LIPC: variants seen among roughly 807,000 people sequenced by gnomAD.
LIPC encodes the protein hepatic triacylglycerol lipase.
Under a neutral mutation model 50.7 loss-of-function variants are expected in LIPC, and 44 were observed. That is an observed-to-expected ratio of 0.87 (90% confidence interval 0.68 to 1.11). LIPC has a LOEUF of 1.11. Ranked by LOEUF, LIPC falls within the 50% of genes most tolerant of loss-of-function variation. LIPC has a pLI of 0.00. For synonymous variants in LIPC, 271 were observed against 256.4 expected (o/e 1.06, Z -0.54); for missense variants, 697 against 648.2 (o/e 1.08, Z -0.82).
intron 1 of LIPC, among the ~76,000 whole-genome samples, chr15:58,487,295 T>G (rs1307328454): frequency 6.6e-6 from 1 of 152,150 alleles, no homozygotes; most frequent in Admixed American, 6.5e-5. Flanking sequence ...CATGGGCAAA[T>G]GAAGGATAAC....
At chr15:58,487,609 G>T (rs369731234) in intron 1 of LIPC, among the ~76,000 whole-genome samples, 1 of 152,110 alleles carries the variant, frequency 6.6e-6, no homozygotes, top group South Asian at 2.1e-4. Flanking sequence ...TCTTGCTCTG[G>T]CCCAAACAAG....
intron 1 of LIPC, among the ~76,000 whole-genome samples, chr15:58,495,833 G>A (rs571056840): frequency 6.6e-6 from 1 of 152,250 alleles, no homozygotes; most frequent in East Asian, 1.9e-4. Context: ...ACTGATTACA[G>A]GTTTCTGTAA....
At chr15:58,485,308 A>T (rs1408845507) in intron 1 of LIPC, among the ~76,000 whole-genome samples, 1 of 152,176 alleles carries the variant, frequency 6.6e-6, no homozygotes, top group African/African-American at 2.4e-5. Context: ...TCAACATGTT[A>T]TGCTGCATGT....
Position 58,525,063 on chromosome 15 carries a change from A to G in LIPC, c.89-13270A>G, listed in dbSNP as rs1306988373. Among the ~76,000 whole-genome samples, 4 of 152,168 alleles carry G rather than the reference A, an allele frequency of 2.6e-5. No homozygotes were observed. In the East Asian group the frequency reaches 7.7e-4, roughly 29 times the overall value. On this transcript the variant is annotated intron_variant, in intron 1 of 8. Coordinates refer to ENST00000299022, the MANE Select transcript of LIPC (RefSeq NM_000236.3). ...TTTTATGATTCCTGTTATTTCATTT[A>G]AAAATTGGATCCATTTGGAGTTTTT...
intron 6 of LIPC, among the ~76,000 whole-genome samples, chr15:58,556,584 TTC>T (rs1315410736): frequency 6.6e-6 from 1 of 152,232 alleles, no homozygotes; most frequent in African/African-American, 2.4e-5. Flanking sequence ...CTTCTATGCA[TTC>T]TGTTTTGCAG....
chr15:58,553,642 G>A (rs148818173), intron 6 of LIPC, among the ~76,000 whole-genome samples: 116 of 152,284 alleles, frequency 7.6e-4, no homozygotes, highest in African/African-American at 2.7e-3. Flanking sequence ...ATCCAGTCTC[G>A]TGACATCAGG....
At chr15:58,549,979 G>C (rs1248293477) in intron 6 of LIPC, among the ~76,000 whole-genome samples, 1 of 152,224 alleles carries the variant, frequency 6.6e-6, no homozygotes, top group Non-Finnish European at 1.5e-5. Context: ...AAGCCTCTTA[G>C]ATAATCACAT....
intron 1 of LIPC, among the ~76,000 whole-genome samples, chr15:58,497,217 AT>A (rs1891804412): frequency 6.6e-6 from 1 of 152,152 alleles, no homozygotes; most frequent in African/African-American, 2.4e-5. Flanking sequence ...AATGCAGTTC[AT>A]GCTTCACCCC....
chr15:58,515,340 T>C (rs1433234841), intron 1 of LIPC, among the ~76,000 whole-genome samples: 2 of 152,192 alleles, frequency 1.3e-5, no homozygotes, highest in African/African-American at 4.8e-5. Flanking sequence ...AGAACATAGC[T>C]ATTTGGAGCA....
intron 4 of LIPC, among the ~76,000 whole-genome samples, chr15:58,542,880 C>T (rs1452706923): frequency 8.5e-5 from 13 of 152,164 alleles, no homozygotes; most frequent in South Asian, 4.1e-4. Flanking sequence ...TGCCCTCAAA[C>T]GAATACCTCA....
At chr15:58,519,793 C>T (rs980384859) in intron 1 of LIPC, among the ~76,000 whole-genome samples, 1 of 152,190 alleles carries the variant, frequency 6.6e-6, no homozygotes, top group Non-Finnish European at 1.5e-5. Flanking sequence ...TCTTAGCATC[C>T]GTTTCTTTAC....
chr15:58,472,637 G>A (rs1890852695), intron 1 of LIPC, among the ~76,000 whole-genome samples: 2 of 151,542 alleles, frequency 1.3e-5, no homozygotes, highest in African/African-American at 4.8e-5. Flanking sequence ...GTGGGAGAGG[G>A]AAAATAGATA....
chr15:58,560,850 G>GTC lies in LIPC; in HGVS notation c.1052-4_1052-3dup, dbSNP rs776858148. ...AAATTATCTCTCTCTTTCTCTCTCT[G>GTC]TCTCTCTCTCTAGTTTATCATTACC... On this transcript the variant is annotated splice_polypyrimidine_tract_variant and intron_variant, in intron 6 of 8. Transcript: ENST00000299022. The GTC allele has an allele frequency of 2.6e-4, 240 of 923,838 alleles. No homozygotes were observed. Among genetic ancestry groups the GTC allele is most frequent in the Non-Finnish European group, 3.8e-4 (207 of 549,374 alleles). 57.2% of individuals were successfully genotyped at this position (923,838 alleles called of 1,614,324 possible).
At chr15:58,471,499 C>G (rs542818455) in intron 1 of LIPC, among the ~76,000 whole-genome samples, 1 of 152,232 alleles carries the variant, frequency 6.6e-6, no homozygotes, top group East Asian at 1.9e-4. Context: ...GGAATGGCTG[C>G]TTTATGCAGA....
intron 1 of LIPC, chr15:58,521,183 C>G (rs10775167): frequency 0.51 from 77,909 of 151,956 alleles, 21,326 homozygotes; most frequent in Admixed American, 0.65. Flanking sequence ...CTCCCCTTCC[C>G]CCTGGTATTG....
intron 1 of LIPC, among the ~76,000 whole-genome samples, chr15:58,469,100 TTTTGTGTG>T (rs1566918428): frequency 1.0e-5 from 1 of 95,410 alleles, no homozygotes; most frequent in Non-Finnish European, 2.1e-5. Context: ...TCAGGGAACA[TTTTGTGTG>T]TGTGTGTGTG....
chr15:58,555,338 T>A (rs1893900859), intron 6 of LIPC, among the ~76,000 whole-genome samples: 1 of 151,838 alleles, frequency 6.6e-6, no homozygotes, highest in Non-Finnish European at 1.5e-5. Flanking sequence ...TAGCCCAGGA[T>A]GGATGTCAAG....
At chr15:58,465,153 G>T (rs907999950) in intron 1 of LIPC, among the ~76,000 whole-genome samples, 1 of 152,144 alleles carries the variant, frequency 6.6e-6, no homozygotes, top group Non-Finnish European at 1.5e-5. Context: ...CAGGAACCAG[G>T]GGAAAAAGAA....
chr15:58,537,755 C>T (rs1476135617), intron 1 of LIPC, among the ~76,000 whole-genome samples: 3 of 152,192 alleles, frequency 2.0e-5, no homozygotes, highest in Non-Finnish European at 4.4e-5. Context: ...CCTCAAGCGG[C>T]ATCCACTACT....
Sources: allele counts gnomAD v4.1 joint callset (sites outside exome capture counted in the v4.1 genomes callset), GRCh38; gene constraint gnomAD v4.1.1; transcripts MANE v1.5; gene names NCBI Gene and HGNC (gene_info 2026-07-23, HGNC 2026-07-21).